OPCML: variants seen among roughly 807,000 people sequenced by gnomAD.
OPCML encodes the protein opioid-binding protein/cell adhesion molecule.
A neutral mutation model predicts 37.8 loss-of-function variants in OPCML; 13 were observed. That is an observed-to-expected ratio of 0.34 (90% confidence interval 0.22 to 0.55). The LOEUF (loss-of-function observed/expected upper bound fraction) is 0.55, where lower values mean the gene tolerates loss of function less well. OPCML is among the 20% of genes least tolerant of loss of function. OPCML has a pLI of 0.91. For synonymous variants in OPCML, 176 were observed against 168.8 expected (o/e 1.04, Z -0.33); for missense variants, 341 against 435.6 (o/e 0.78, Z 1.93).
intron 2 of OPCML, among the ~76,000 whole-genome samples, chr11:132,736,046 G>A (rs2136023865): frequency 6.6e-6 from 1 of 152,290 alleles, no homozygotes; most frequent in South Asian, 2.1e-4. Context: ...CTGTCAATAT[G>A]TACTTTGCTG....
chr11:132,944,023 G>A (rs1347024553), intron 1 of OPCML, among the ~76,000 whole-genome samples: 1 of 151,812 alleles, frequency 6.6e-6, no homozygotes, highest in Non-Finnish European at 1.5e-5. Context: ...CGCGGACTGC[G>A]CGCTCATCCC....
intron 1 of OPCML, among the ~76,000 whole-genome samples, chr11:133,096,016 G>C (rs1019009826): frequency 6.6e-6 from 1 of 151,948 alleles, no homozygotes; most frequent in African/African-American, 2.4e-5. Flanking sequence ...CATAAAGGAA[G>C]TGCACTGAAG....
At chr11:133,252,818 ACCCAGATTATGTGAAT>A (rs1401102217) in intron 1 of OPCML, among the ~76,000 whole-genome samples, 1 of 152,032 alleles carries the variant, frequency 6.6e-6, no homozygotes, top group East Asian at 1.9e-4. Context: ...AACTAAAGAA[ACCCAGATTATGTGAAT>A]CCCAGGTTCT....
chr11:132,501,884 T>C (rs1415753745), intron 4 of OPCML, among the ~76,000 whole-genome samples: 4 of 152,190 alleles, frequency 2.6e-5, no homozygotes, highest in African/African-American at 9.7e-5. Context: ...ATCTGCTATA[T>C]CTTGAAGTTA....
At chr11:132,479,598 G>A (rs1194101989) in intron 4 of OPCML, among the ~76,000 whole-genome samples, 1 of 152,212 alleles carries the variant, frequency 6.6e-6, no homozygotes, top group East Asian at 1.9e-4. Context: ...AAAGACAGCA[G>A]TAACCTCTGC....
At chr11:133,327,539 G>T (rs3902912) in intron 1 of OPCML, among the ~76,000 whole-genome samples, 1 of 151,790 alleles carries the variant, frequency 6.6e-6, no homozygotes, top group Non-Finnish European at 1.5e-5. Flanking sequence ...CTCAAGCTTC[G>T]ATAAATCTGC....
intron 2 of OPCML, among the ~76,000 whole-genome samples, chr11:132,749,312 A>G (rs1402693962): frequency 1.3e-5 from 2 of 152,216 alleles, no homozygotes; most frequent in Non-Finnish European, 2.9e-5. Context: ...ACAAACTATG[A>G]CAGGCTGTAA....
At chr11:132,606,007 G>A (rs377316327) in intron 3 of OPCML, among the ~76,000 whole-genome samples, 2 of 152,100 alleles carry the variant, frequency 1.3e-5, no homozygotes, top group African/African-American at 4.8e-5. Context: ...GTTACCCTTG[G>A]CACCTGTAAG....
chr11:132,938,874 A>T (rs1945481207), intron 2 of OPCML, among the ~76,000 whole-genome samples: 1 of 152,186 alleles, frequency 6.6e-6, no homozygotes, highest in African/African-American at 2.4e-5. Flanking sequence ...CACATTAGAA[A>T]TACTGGAAAA....
At chr11:132,991,092 C>G (rs1946765970) in intron 1 of OPCML, among the ~76,000 whole-genome samples, 1 of 152,152 alleles carries the variant, frequency 6.6e-6, no homozygotes, top group African/African-American at 2.4e-5. Context: ...ATAGGATTGC[C>G]ATAAGAAAAA....
chr11:133,384,615 T>C (rs1328735159), intron 1 of OPCML, among the ~76,000 whole-genome samples: 1 of 152,240 alleles, frequency 6.6e-6, no homozygotes, highest in Non-Finnish European at 1.5e-5. Flanking sequence ...CTCTTGTCGC[T>C]TGTCCCCAAA....
At chr11:133,254,825 T>C (rs367646161) in intron 1 of OPCML, among the ~76,000 whole-genome samples, 74 of 152,250 alleles carry the variant, frequency 4.9e-4, no homozygotes, top group African/African-American at 1.7e-3. Flanking sequence ...AGTCATCCTT[T>C]CACTACTTTG....
intron 3 of OPCML, among the ~76,000 whole-genome samples, chr11:132,599,655 C>A (rs925390060): frequency 1.3e-5 from 2 of 152,052 alleles, no homozygotes; most frequent in African/African-American, 4.8e-5. Flanking sequence ...GTGCCTACAC[C>A]TAGTTGTATA....
At chr11:133,285,375 G>T (rs1261902010) in intron 1 of OPCML, among the ~76,000 whole-genome samples, 1 of 152,198 alleles carries the variant, frequency 6.6e-6, no homozygotes, top group Non-Finnish European at 1.5e-5. Flanking sequence ...ATATAACTCA[G>T]CTGGTATTTG....
At position 132,788,854 on chromosome 11, in the gene OPCML, C is replaced by T. The variant is rs1321928277; in HGVS notation, c.147-131535G>A. Among the ~76,000 whole-genome samples the T allele has an allele frequency of 7.2e-5, 11 of 152,216 alleles. No individual in the cohort carries two copies. In the South Asian group the frequency reaches 1.9e-3, roughly 26 times the overall value. ...GTTATATTCTACTGCCTCTGACATG[C>T]TCCTGAATATGTTGCTCCCTGGATT... is the stretch of plus-strand genomic sequence containing the variant. On this transcript the variant is annotated intron_variant, in intron 2 of 7. Transcript: ENST00000524381.
intron 1 of OPCML, among the ~76,000 whole-genome samples, chr11:132,989,359 T>C (rs1386197698): frequency 1.3e-5 from 2 of 152,150 alleles, no homozygotes; most frequent in South Asian, 4.2e-4. Flanking sequence ...ATCTTGGAAA[T>C]AAATAAGTGA....
At chr11:133,466,875 A>C (rs943576736) in intron 1 of OPCML, among the ~76,000 whole-genome samples, 3 of 152,198 alleles carry the variant, frequency 2.0e-5, no homozygotes, top group South Asian at 2.1e-4. Flanking sequence ...TCATGTAGCC[A>C]ATGGAAGAAA....
intron 2 of OPCML, among the ~76,000 whole-genome samples, chr11:132,896,298 A>ATGGATT (rs985959194): frequency 6.6e-6 from 1 of 152,148 alleles, no homozygotes; most frequent in Admixed American, 6.5e-5. Context: ...ACTTTGAACA[A>ATGGATT]TGGATTTGTG....
chr11:133,238,771 A>T (rs1239917906), intron 1 of OPCML, among the ~76,000 whole-genome samples: 1 of 152,262 alleles, frequency 6.6e-6, no homozygotes, highest in African/African-American at 2.4e-5. Flanking sequence ...CTTCGGGGAA[A>T]AAAACGACAG....
Sources: gnomAD v4.1 joint callset for allele counts (sites outside exome capture counted in the v4.1 genomes callset) on GRCh38, gnomAD v4.1.1 for gene constraint, MANE v1.5 for transcripts, NCBI Gene and HGNC (gene_info 2026-07-23, HGNC 2026-07-21) for gene names.